Variants in AGPAT4 observed in about 807,000 individuals in gnomAD.
AGPAT4 encodes 1-acylglycerol-3-phosphate O-acyltransferase 4.
A neutral mutation model predicts 48.0 loss-of-function variants in AGPAT4; 15 were observed. The ratio of observed to expected loss-of-function variants is 0.31; its 90% CI spans 0.21 to 0.48. The LOEUF is 0.48. Ranked by LOEUF, AGPAT4 falls within the 20% of genes least tolerant of loss-of-function variation. The probability of loss-of-function intolerance (pLI) is 0.99; values close to 1 mark genes in which losing one functional copy is unlikely to be tolerated. For synonymous variants in AGPAT4, 178 were observed against 198.7 expected, an observed-to-expected ratio of 0.90 and a Z score of 0.88; for missense variants, 314 against 482.5, an observed-to-expected ratio of 0.65 and a Z score of 3.27.
chr6:161,248,571 CAA>C (rs35527158), intron 1 of AGPAT4, among the ~76,000 whole-genome samples: 17,051 of 62,242 alleles, frequency 0.27, 621 homozygotes, highest in Admixed American at 0.36. Flanking sequence ...GACTCTGTCT[CAA>C]AAAAAAAAAA....
chr6:161,199,189 C>T (rs562356334), intron 2 of AGPAT4, among the ~76,000 whole-genome samples: 17 of 152,024 alleles, frequency 1.1e-4, no homozygotes, highest in African/African-American at 3.9e-4. Context: ...CTTGCAGAAA[C>T]ATACAAAAAA....
rs1330924235 is a variant in AGPAT4, at chr6:161,155,733, C to T, written c.349-1423G>A. On this transcript the variant is annotated intron_variant, in intron 3 of 8. Transcript: ENST00000320285. This position sits in a 1 kb window ranked among gnomAD's most constrained non-coding sequence, Gnocchi z 5.8. ...CCCTATCTCCAGGGGACTCCGGGAA[C>T]ATCCCCGTGGGTGGGTGAACCCACT... Among the ~76,000 whole-genome samples the T allele has an allele frequency of 6.6e-6, 1 of 152,262 alleles. No individual in the cohort carries two copies. Among genetic ancestry groups the T allele is most frequent in the Admixed American group, 6.5e-5 (1 of 15,294 alleles).
chr6:161,232,214 G>T lies in AGPAT4; in HGVS notation c.-1C>A, dbSNP rs80142589. On this transcript the variant is annotated 5_prime_UTR_variant, in exon 2 of 9. Coordinates refer to ENST00000320285, the MANE Select transcript of AGPAT4 (RefSeq NM_020133.3). The surrounding 1 kb of genome is among the most constrained non-coding windows in gnomAD (Gnocchi z 6.8). The stretch of plus-strand genomic sequence containing the variant: ...ACTTCAGCAGTCCCGCGAGGTCCAT[G>T]ATGCGTGGACGCTCTTATTCAGAAA... 494 of 1,613,630 alleles carry T rather than the reference G, an allele frequency of 3.1e-4. 5 individuals carry two copies. In the East Asian group the frequency reaches 0.011, roughly 35 times the overall value.
chr6:161,266,783 T>A lies in AGPAT4; in HGVS notation c.-90+7155A>T, dbSNP rs1183756719. Among the ~76,000 whole-genome samples the A allele has an allele frequency of 1.3e-5, 2 of 152,226 alleles. No homozygotes were observed. The highest frequency in any genetic ancestry group is 4.8e-5 in the African/African-American group (2 of 41,464). On this transcript the variant is annotated intron_variant, in intron 1 of 8. Coordinates refer to ENST00000320285, the MANE Select transcript of AGPAT4 (RefSeq NM_020133.3). The surrounding 1 kb of genome is among the most constrained non-coding windows in gnomAD (Gnocchi z 6.2). Reference sequence around the variant, plus strand: ...TGGCTGCAGTATCCTGGGAAGAAGATGTGCTTGCATAGACAGATAGTTCTT... The same window carrying A: ...TGGCTGCAGTATCCTGGGAAGAAGAAGTGCTTGCATAGACAGATAGTTCTT...
At chr6:161,157,685 A>G (rs1224988534) in intron 3 of AGPAT4, among the ~76,000 whole-genome samples, 1 of 152,184 alleles carries the variant, frequency 6.6e-6, no homozygotes, top group African/African-American at 2.4e-5. Context: ...TGTTATCAAT[A>G]TGTCTAGGTT....
At chr6:161,207,671 G>T (rs74679086) in intron 2 of AGPAT4, among the ~76,000 whole-genome samples, 12,634 of 152,224 alleles carry the variant, frequency 0.083, 585 homozygotes, top group African/African-American at 0.1. Context: ...AAATGAATTA[G>T]TATGTTAGAA....
chr6:161,135,358 C>T lies in AGPAT4; in HGVS notation c.*1182G>A, dbSNP rs899652981. On this transcript the variant is annotated 3_prime_UTR_variant, in exon 9 of 9. Transcript: ENST00000320285. ...TAGCATTTGTTCTGCAAAAATAGCACTGCTTTTAGTTTCTTCTTCTTTTGC... is the reference window on the plus strand; with the variant it reads ...TAGCATTTGTTCTGCAAAAATAGCATTGCTTTTAGTTTCTTCTTCTTTTGC... 2 of 152,234 alleles carry T rather than the reference C, an allele frequency of 1.3e-5. No individual in the cohort carries two copies. The highest frequency in any genetic ancestry group is 2.9e-5 in the Non-Finnish European group (2 of 68,044). The allele number at this position is 152,234 out of a possible 1,614,324, so 9.4% of individuals were successfully genotyped here. A position where few individuals can be genotyped will look rare whatever the true frequency, so the allele number is the denominator to read the frequency against.
Position 161,233,109 on chromosome 6 carries a change from CCACACACACACACACACA to C in AGPAT4, c.-89-825_-89-808del, listed in dbSNP as rs56226316. Among the ~76,000 whole-genome samples, 28 of 147,380 alleles carry C rather than the reference CCACACACACACACACACA, an allele frequency of 1.9e-4. No individual in the cohort carries two copies. The highest frequency in any genetic ancestry group is 4.2e-4 in the African/African-American group (17 of 40,292). On this transcript the variant is annotated intron_variant, in intron 1 of 8. Transcript: ENST00000320285. The surrounding 1 kb of genome is among the most constrained non-coding windows in gnomAD (Gnocchi z 5.4). ...AGACACATAGACACACACACAAACA[CCACACACACACACACACA>C]CACACACACACACACACAGATACAC...
rs1425154659 is a variant in AGPAT4, at chr6:161,220,931, G to A, written c.178+11105C>T. Among the ~76,000 whole-genome samples, 7 of 151,940 alleles carry A rather than the reference G, an allele frequency of 4.6e-5. No homozygotes were observed. The highest frequency in any genetic ancestry group is 6.6e-5 in the Admixed American group (1 of 15,260). On this transcript the variant is annotated intron_variant, in intron 2 of 8. Coordinates refer to ENST00000320285, the MANE Select transcript of AGPAT4 (RefSeq NM_020133.3). This position sits in a 1 kb window ranked among gnomAD's most constrained non-coding sequence, Gnocchi z 6.0. ...CCCGAGTAGCTGGGATTACAGGCGC[G>A]TGCCACCACACCTGGCTAATTTTTT...
intron 8 of AGPAT4, 53 bp from the exon 9 acceptor site, chr6:161,136,687 C>T (rs1393263302): frequency 8.6e-6 from 13 of 1,506,680 alleles, no homozygotes; most frequent in East Asian, 6.8e-5. Context: ...ACTACAGGGC[C>T]GTTTTCCCAC....
In AGPAT4 at chr6:161,143,138, T is replaced by C. The variant is rs1460722586; in HGVS notation, c.843+3386A>G. 6.6e-6 allele frequency among the ~76,000 whole-genome samples: 1 copy of C among 152,220 alleles called. No homozygotes were observed. Among genetic ancestry groups the C allele is most frequent in the Non-Finnish European group, 1.5e-5 (1 of 68,044 alleles). ...CCCAGGCTGGAGTGCAGTGGTGCAA[T>C]CATAGCTCACAGTAACCTTCAACTT... is the stretch of plus-strand genomic sequence containing the variant. On this transcript the variant is annotated intron_variant, in intron 7 of 8. Transcript: ENST00000320285. The surrounding 1 kb of genome is among the most constrained non-coding windows in gnomAD (Gnocchi z 4.7).
rs1211317480 is a variant in AGPAT4 at position 161,249,271 on chromosome 6, C to T, written c.-89-16969G>A. Among the ~76,000 whole-genome samples the T allele has an allele frequency of 2.0e-5, 3 of 152,088 alleles. No individual in the cohort carries two copies. The highest frequency in any genetic ancestry group is 7.2e-5 in the African/African-American group (3 of 41,408). On this transcript the variant is annotated intron_variant, in intron 1 of 8. Transcript: ENST00000320285. This position sits in a 1 kb window ranked among gnomAD's most constrained non-coding sequence, Gnocchi z 6.2. ...ATAGGAATGGGCAAAGATTTCATGA[C>T]GAACACACCAAAGCAATTGCAACAA...
intron 1 of AGPAT4, among the ~76,000 whole-genome samples, chr6:161,260,311 G>T (rs530648570): frequency 6.6e-6 from 1 of 152,166 alleles, no homozygotes; most frequent in Non-Finnish European, 1.5e-5. Flanking sequence ...AGAAATTCAA[G>T]TTGTAGAGTC....
chr6:161,251,779 T>C lies in AGPAT4; in HGVS notation c.-89-19477A>G, dbSNP rs146858264. Reference sequence around the variant, plus strand: ...CTCTTGATACACATAAGGGCATTGATAGTTTACAAATCTACCTATAGGGCA... The same window carrying C: ...CTCTTGATACACATAAGGGCATTGACAGTTTACAAATCTACCTATAGGGCA... On this transcript the variant is annotated intron_variant, in intron 1 of 8. Coordinates refer to ENST00000320285, the MANE Select transcript of AGPAT4 (RefSeq NM_020133.3). The surrounding 1 kb of genome is among the most constrained non-coding windows in gnomAD (Gnocchi z 4.6). 2.2e-4 allele frequency among the ~76,000 whole-genome samples: 33 copies of C among 152,236 alleles called. No individual in the cohort carries two copies. The East Asian group carries it at 6.4e-3, about 29-fold the overall frequency.
In AGPAT4 at chr6:161,171,316, A is replaced by G. The variant is rs1780261510; in HGVS notation, c.179-4899T>C. Among the ~76,000 whole-genome samples, 1 of 152,264 alleles carries G rather than the reference A, an allele frequency of 6.6e-6. No individual in the cohort carries two copies. Among genetic ancestry groups the G allele is most frequent in the Non-Finnish European group, 1.5e-5 (1 of 68,044 alleles). ...TGAGACTGGGCAATTTACAAAGAAC[A>G]GAGATTTATTTCTTATAGTTCTGGA... On this transcript the variant is annotated intron_variant, in intron 2 of 8. Coordinates refer to ENST00000320285, the MANE Select transcript of AGPAT4 (RefSeq NM_020133.3). This position sits in a 1 kb window ranked among gnomAD's most constrained non-coding sequence, Gnocchi z 4.4.
chr6:161,140,093 C>T lies in AGPAT4; in HGVS notation c.844-473G>A, dbSNP rs1779202888. Among the ~76,000 whole-genome samples the T allele has an allele frequency of 6.6e-6, 1 of 152,334 alleles. No homozygotes were observed. The highest frequency in any genetic ancestry group is 1.9e-4 in the East Asian group (1 of 5,166). On this transcript the variant is annotated intron_variant, in intron 7 of 8. Transcript: ENST00000320285. This position sits in a 1 kb window ranked among gnomAD's most constrained non-coding sequence, Gnocchi z 6.5. ...TCAGGAGGAGCTCGCCCAGCCCGGC[C>T]CGGCACATGCCCCGCCTTCCCGGCC...
At position 161,146,623 on chromosome 6, in the gene AGPAT4, C is replaced by T; in HGVS notation, c.768-24G>A. ...TCCTGCAAAGGCAGAGAGCAGCTAG[C>T]AGAGAGGAGGTGATGCCCCCCTACA... On this transcript the variant is annotated intron_variant, in intron 6 of 8. Coordinates refer to ENST00000320285, the MANE Select transcript of AGPAT4 (RefSeq NM_020133.3). This position sits in a 1 kb window ranked among gnomAD's most constrained non-coding sequence, Gnocchi z 7.1. 6.2e-7 allele frequency: 1 copy of T among 1,612,710 alleles called. No individual in the cohort carries two copies. The highest frequency in any genetic ancestry group is 8.5e-7 in the Non-Finnish European group (1 of 1,178,932).
At position 161,238,902 on chromosome 6, in the gene AGPAT4, T is replaced by C. The variant is rs1003437579; in HGVS notation, c.-89-6600A>G. On this transcript the variant is annotated intron_variant, in intron 1 of 8. Coordinates refer to ENST00000320285, the MANE Select transcript of AGPAT4 (RefSeq NM_020133.3). This position sits in a 1 kb window ranked among gnomAD's most constrained non-coding sequence, Gnocchi z 5.2. ...GCGTTTGCTTCCCCTTCTGCCATGA[T>C]TGTAAGTTTCCTGAGGCCTCTCCAG... Among the ~76,000 whole-genome samples, 1 of 152,232 alleles carries C rather than the reference T, an allele frequency of 6.6e-6. No individual in the cohort carries two copies.
At chr6:161,199,654 GT>G (rs1193117426) in intron 2 of AGPAT4, among the ~76,000 whole-genome samples, 1 of 152,148 alleles carries the variant, frequency 6.6e-6, no homozygotes, top group African/African-American at 2.4e-5. Flanking sequence ...GGACCATGGG[GT>G]GGATTTCCCC....
Sources: gnomAD v4.1 joint callset for allele counts (sites outside exome capture counted in the v4.1 genomes callset) on GRCh38, gnomAD v4.1.1 for gene constraint, Gnocchi (gnomAD v3.1) non-coding constraint, MANE v1.5 for transcripts, NCBI Gene and HGNC (gene_info 2026-07-23, HGNC 2026-07-21) for gene names.